Variants in TMEM135 observed in about 807,000 individuals in gnomAD.
The protein encoded by TMEM135 is peroxisomal membrane protein 52.
TMEM135 carries 30 observed loss-of-function variants against 60.3 expected under a neutral mutation model. The ratio of observed to expected loss-of-function variants is 0.50; its 90% CI spans 0.37 to 0.68. TMEM135 has a LOEUF of 0.68. Ranked by LOEUF, TMEM135 falls within the 30% of genes least tolerant of loss-of-function variation. The pLI is 0.00. For missense variants in TMEM135, 468 were observed against 548.8 expected (o/e 0.85, Z 1.47); for synonymous variants, 190 against 186.7 (o/e 1.02, Z -0.14).
At position 87,309,619 on chromosome 11, in the gene TMEM135, A is replaced by G. The variant is rs143844810; in HGVS notation, c.883A>G (p.Lys295Glu). ...PSRLLSLFYN[K>E]ENFQLGAFLG... The stretch of plus-strand genomic sequence containing the variant: ...TCGGCTACTTTCTCTCTTCTACAAT[A>G]AAGAAAACTTCCAGCTTGGAGCTTT... The change falls in exon 10 of 15, where the codon AAA becomes GAA. Residue 295 changes from lysine (K) to glutamate (E), a missense_variant. By Grantham distance (56) the Lys-to-Glu change is moderately conservative. Transcript: ENST00000305494. 1.9e-4 allele frequency: 307 copies of G among 1,613,866 alleles called. 1 individual carries two copies. The African/African-American group carries it at 3.7e-3, about 19-fold the overall frequency.
intron 3 of TMEM135, among the ~76,000 whole-genome samples, chr11:87,076,900 TC>T (rs1379955970): frequency 6.6e-6 from 1 of 152,346 alleles, no homozygotes; most frequent in African/African-American, 2.4e-5. Flanking sequence ...TGAGCTGGTA[TC>T]CAGTGATGAC....
chr11:87,090,239 A>C (rs1046095452), intron 3 of TMEM135, among the ~76,000 whole-genome samples: 2 of 152,144 alleles, frequency 1.3e-5, no homozygotes, highest in African/African-American at 2.4e-5. Context: ...ATGTTAAAAA[A>C]AGTAGATTTA....
chr11:87,062,971 CT>C (rs1417363563), intron 1 of TMEM135, among the ~76,000 whole-genome samples: 1 of 152,124 alleles, frequency 6.6e-6, no homozygotes, highest in Non-Finnish European at 1.5e-5. Context: ...TTTCCACTCC[CT>C]GTTGAGATTT....
intron 2 of TMEM135, among the ~76,000 whole-genome samples, chr11:87,069,315 GA>G (rs1555099073): frequency 7.1e-6 from 1 of 141,208 alleles, no homozygotes; most frequent in Non-Finnish European, 1.5e-5. Context: ...AAAAGAAGAA[GA>G]AAGTTTCTAT....
At chr11:87,123,774 A>G (rs189631382) in intron 4 of TMEM135, among the ~76,000 whole-genome samples, 43 of 152,300 alleles carry the variant, frequency 2.8e-4, no homozygotes, top group Middle Eastern at 6.8e-3. Context: ...CAAGTTGAGA[A>G]TTAACATTTA....
At chr11:87,310,091 G>A (rs1942615657) in intron 10 of TMEM135, among the ~76,000 whole-genome samples, 1 of 151,988 alleles carries the variant, frequency 6.6e-6, no homozygotes, top group African/African-American at 2.4e-5. Context: ...ATAAACACTT[G>A]ATAGAATCGG....
chr11:87,249,375 A>C (rs181705619), intron 6 of TMEM135, among the ~76,000 whole-genome samples: 8 of 152,158 alleles, frequency 5.3e-5, no homozygotes, highest in Admixed American at 5.2e-4. Flanking sequence ...TTCATAGTTT[A>C]TATGATGTAT....
chr11:87,228,557 G>A (rs961013505), intron 5 of TMEM135, among the ~76,000 whole-genome samples: 1 of 152,048 alleles, frequency 6.6e-6, no homozygotes, highest in Non-Finnish European at 1.5e-5. Flanking sequence ...TAATGAATAC[G>A]GGGGGAGATG....
intron 7 of TMEM135, 80 bp from the exon 8 acceptor site, chr11:87,302,216 G>T (rs1010596620): frequency 8.7e-5 from 127 of 1,453,602 alleles, no homozygotes; most frequent in Non-Finnish European, 1.1e-4. Context: ...AAGCGTATTT[G>T]TTTATAAACA....
chr11:87,072,135 A>G (rs1466575226), intron 3 of TMEM135, among the ~76,000 whole-genome samples: 1 of 152,200 alleles, frequency 6.6e-6, no homozygotes, highest in East Asian at 1.9e-4. Context: ...TCAAGGCTAC[A>G]GTGAGCCGTG....
At chr11:87,178,205 G>A (rs375560701) in intron 5 of TMEM135, among the ~76,000 whole-genome samples, 2 of 152,172 alleles carry the variant, frequency 1.3e-5, no homozygotes, top group East Asian at 3.9e-4. Flanking sequence ...TTTTTTTGGT[G>A]ACCAGTCCCT....
At chr11:87,296,821 G>C (rs773003512) in intron 7 of TMEM135, among the ~76,000 whole-genome samples, 25 of 152,144 alleles carry the variant, frequency 1.6e-4, no homozygotes, top group Non-Finnish European at 3.5e-4. Flanking sequence ...CTGGGTGGAA[G>C]TGAATAATAG....
At chr11:87,270,434 G>T (rs1182973303) in intron 6 of TMEM135, among the ~76,000 whole-genome samples, 3 of 152,108 alleles carry the variant, frequency 2.0e-5, no homozygotes, top group Non-Finnish European at 4.4e-5. Flanking sequence ...AAAATGGCTA[G>T]TTTTAAAGAA....
intron 4 of TMEM135, among the ~76,000 whole-genome samples, chr11:87,131,741 C>A (rs502165): frequency 0.48 from 72,397 of 151,856 alleles, 17,536 homozygotes; most frequent in East Asian, 0.67. Context: ...ATAGAACATA[C>A]CTCATAGGGG....
chr11:87,266,403 A>C (rs1029924448), intron 6 of TMEM135, among the ~76,000 whole-genome samples: 2 of 152,168 alleles, frequency 1.3e-5, no homozygotes, highest in Non-Finnish European at 2.9e-5. Context: ...TTTGTCTTCA[A>C]AATCAGTTTG....
At chr11:87,185,253 T>C (rs1939621097) in intron 5 of TMEM135, among the ~76,000 whole-genome samples, 2 of 152,090 alleles carry the variant, frequency 1.3e-5, no homozygotes, top group Non-Finnish European at 2.9e-5. Flanking sequence ...CCCAGTCACC[T>C]CTCTCTCATT....
At chr11:87,179,397 A>AT (rs146620059) in intron 5 of TMEM135, among the ~76,000 whole-genome samples, 5,841 of 151,434 alleles carry the variant, frequency 0.039, 358 homozygotes, top group African/African-American at 0.13. Context: ...CCATTCATTA[A>AT]TTTTTTTTTC....
At chr11:87,179,520 T>G (rs1939462342) in intron 5 of TMEM135, among the ~76,000 whole-genome samples, 1 of 152,202 alleles carries the variant, frequency 6.6e-6, no homozygotes, top group Non-Finnish European at 1.5e-5. Context: ...TTGAGTTTAC[T>G]TTTAAATATG....
At chr11:87,202,852 G>T (rs1400555111) in intron 5 of TMEM135, among the ~76,000 whole-genome samples, 1 of 150,942 alleles carries the variant, frequency 6.6e-6, no homozygotes, top group Non-Finnish European at 1.5e-5. Flanking sequence ...CTAACACGGT[G>T]AAACCCCGTC....
Sources: gnomAD v4.1 joint callset for allele counts (sites outside exome capture counted in the v4.1 genomes callset) on GRCh38, gnomAD v4.1.1 for gene constraint, MANE v1.5 for transcripts, NCBI Gene and HGNC (gene_info 2026-07-23, HGNC 2026-07-21) for gene names.